RTTN: variants seen among roughly 807,000 people sequenced by gnomAD.
RTTN encodes the protein rotatin.
In RTTN, 182 loss-of-function variants were observed where a neutral mutation model predicts 269.2. That is an observed-to-expected ratio of 0.68 (90% CI 0.60 to 0.76). RTTN has a LOEUF of 0.76. Ranked by LOEUF, RTTN falls within the 30% of genes least tolerant of loss-of-function variation. The pLI is 0.00. For synonymous variants in RTTN, 1,006 were observed against 963.5 expected (o/e 1.04, Z -0.82); for missense variants, 2,545 against 2,608.6 (o/e 0.98, Z 0.53).
chr18:70,186,752 T>C (rs1189911149), intron 10 of RTTN, among the ~76,000 whole-genome samples: 1 of 152,160 alleles, frequency 6.6e-6, no homozygotes, highest in Non-Finnish European at 1.5e-5. Flanking sequence ...CATTATCCTA[T>C]GCAAACTAAT....
At chr18:70,142,676 T>G (rs1193925896) in intron 18 of RTTN, among the ~76,000 whole-genome samples, 1 of 152,156 alleles carries the variant, frequency 6.6e-6, no homozygotes, top group Non-Finnish European at 1.5e-5. Flanking sequence ...ATCTGCTATT[T>G]TTTGACTTTT....
In RTTN at chr18:70,048,147, C is replaced by A. The variant is rs368735065; in HGVS notation, c.5365G>T (p.Ala1789Ser). The change falls in exon 40 of 49, where the codon GCC (alanine) becomes TCC (serine). Residue 1789 changes from alanine to serine, a missense_variant. Ala to Ser is a moderately conservative substitution (Grantham distance 99). Transcript: ENST00000640769. ...TCAGLSATCP[A>S]LYTASLQFLS... ...AATTGCAAGCTGGCAGTATACAGGG[C>A]AGGACACGTGGCAGACAAGCCTGCA... 6.2e-7 allele frequency: 1 copy of A among 1,614,052 alleles called. No individual in the cohort carries two copies. Among genetic ancestry groups the A allele is most frequent in the Non-Finnish European group, 8.5e-7 (1 of 1,179,962 alleles).
intron 46 of RTTN, 69 bp from the exon 47 acceptor site, chr18:70,006,553 G>A: frequency 5.3e-6 from 6 of 1,142,744 alleles, no homozygotes; most frequent in Non-Finnish European, 7.9e-6. Context: ...TCTTGGACTA[G>A]TCAGACACCC....
intron 14 of RTTN, among the ~76,000 whole-genome samples, chr18:70,151,707 C>T (rs143648517): frequency 3.6e-4 from 55 of 152,316 alleles, no homozygotes; most frequent in African/African-American, 1.3e-3. Context: ...CCTTAAGATA[C>T]TTATCTACCA....
At chr18:70,156,242 T>C (rs1390272956) in intron 14 of RTTN, among the ~76,000 whole-genome samples, 1 of 152,180 alleles carries the variant, frequency 6.6e-6, no homozygotes, top group Non-Finnish European at 1.5e-5. Context: ...AGAAAGAGAA[T>C]GTGCCCTTGA....
At chr18:70,186,073 TCC>T (rs376667723) in intron 10 of RTTN, among the ~76,000 whole-genome samples, 10 of 109,410 alleles carry the variant, frequency 9.1e-5, no homozygotes, top group Non-Finnish European at 1.5e-4. Context: ...GAATGCCCTC[TCC>T]CCCCCAAAAA....
At position 70,130,399 on chromosome 18, in the gene RTTN, T is replaced by C. The variant is rs1449319884; in HGVS notation, c.2955-1853A>G. The C allele has an allele frequency of 3.9e-5, 6 of 152,150 alleles. No homozygotes were observed. In the East Asian group the frequency reaches 1.2e-3, roughly 29 times the overall value. The allele number at this position is 152,150 out of a possible 1,614,324, so 9.4% of individuals were successfully genotyped here. A position where few individuals can be genotyped will look rare whatever the true frequency, so the allele number is the denominator to read the frequency against. The stretch of plus-strand genomic sequence containing the variant: ...ACCTAAGTGTCCATCAATAGATGAA[T>C]GGATTTTTTAAAATGTGGTATAAAT... On this transcript the variant is annotated intron_variant, in intron 23 of 48. Coordinates refer to ENST00000640769, the MANE Select transcript of RTTN (RefSeq NM_173630.4).
chr18:70,006,284 G>GT (rs1291492278), intron 47 of RTTN, 97 bp downstream of exon 47: 9 of 785,580 alleles, frequency 1.1e-5, no homozygotes, highest in African/African-American at 8.7e-5. Context: ...TTCTTTTGCT[G>GT]TAACTCTTGA....
chr18:70,113,656 A>G (rs2059531311), intron 27 of RTTN, among the ~76,000 whole-genome samples: 1 of 152,178 alleles, frequency 6.6e-6, no homozygotes, highest in East Asian at 1.9e-4. Flanking sequence ...ATGTCCACCA[A>G]TGAATGAATG....
intron 10 of RTTN, among the ~76,000 whole-genome samples, chr18:70,184,740 G>GTC: frequency 8.6e-6 from 1 of 116,180 alleles, no homozygotes; most frequent in Non-Finnish European, 1.8e-5. Flanking sequence ...GTGTGTGTGT[G>GTC]TGTGTGTGTG....
intron 48 of RTTN, 97 bp from the exon 49 acceptor site, chr18:70,004,333 T>A (rs1292674429): frequency 1.8e-5 from 12 of 676,700 alleles, no homozygotes; most frequent in Non-Finnish European, 3.0e-5. Context: ...TGAACAGGAT[T>A]TATATATAAT....
chr18:70,070,042 T>A (rs1418194104), intron 34 of RTTN, among the ~76,000 whole-genome samples: 1 of 152,230 alleles, frequency 6.6e-6, no homozygotes, highest in Admixed American at 6.5e-5. Context: ...ACTAATAGAT[T>A]CATAATTCAA....
chr18:70,052,402 T>A (rs1240361954), intron 38 of RTTN, among the ~76,000 whole-genome samples: 2 of 152,132 alleles, frequency 1.3e-5, no homozygotes, highest in African/African-American at 2.4e-5. Flanking sequence ...CTCATTGCCA[T>A]CCCCACAAGA....
chr18:70,199,496 T>G lies in RTTN; in HGVS notation c.496A>C (p.Thr166Pro), dbSNP rs2061896721. ...GTAGAAAACTTCAAGCACTTCACAG[T>G]CTGATTTACTGTCAGTGAAAGAGCA... The part of the protein sequence containing the change: ...EVPPRPVVNQ[T>P]VKCLKFSTFP... Residue 166 changes from threonine (T) to proline (P), a missense_variant, in exon 5 of 49, where the codon ACT becomes CCT. Transcript: ENST00000640769. 6.2e-7 allele frequency: 1 copy of G among 1,608,614 alleles called. No individual in the cohort carries two copies. The highest frequency in any genetic ancestry group is 1.3e-5 in the African/African-American group (1 of 74,802).
At chr18:70,193,820 G>A (rs2061739351) in intron 7 of RTTN, among the ~76,000 whole-genome samples, 1 of 152,160 alleles carries the variant, frequency 6.6e-6, no homozygotes, top group South Asian at 2.1e-4. Flanking sequence ...AAATATAAAA[G>A]CTAAAGCCAT....
At chr18:70,042,501 G>A (rs1453216899) in intron 40 of RTTN, among the ~76,000 whole-genome samples, 7 of 146,010 alleles carry the variant, frequency 4.8e-5, no homozygotes, top group East Asian at 2.1e-4. Flanking sequence ...TCAGCCTCCC[G>A]AGTAGCTGGG....
At chr18:70,112,247 C>T (rs1184527413) in intron 27 of RTTN, among the ~76,000 whole-genome samples, 3 of 152,126 alleles carry the variant, frequency 2.0e-5, no homozygotes, top group Non-Finnish European at 2.9e-5. Context: ...ACTGCATCAA[C>T]TAATGGGCAA....
chr18:70,010,882 A>G (rs1010241805), intron 46 of RTTN, among the ~76,000 whole-genome samples: 2 of 152,158 alleles, frequency 1.3e-5, no homozygotes, highest in African/African-American at 4.8e-5. Flanking sequence ...TCAAATAGAC[A>G]CAATAAAAAA....
intron 9 of RTTN, among the ~76,000 whole-genome samples, 193 bp downstream of exon 9, chr18:70,190,345 T>A (rs1191362753): frequency 2.0e-5 from 3 of 152,008 alleles, no homozygotes; most frequent in Non-Finnish European, 4.4e-5. Context: ...GCAAGCTGAA[T>A]AGCCCTCCAA....
Sources: gnomAD v4.1 joint callset for allele counts (sites outside exome capture counted in the v4.1 genomes callset) on GRCh38, gnomAD v4.1.1 for gene constraint, MANE v1.5 for transcripts, NCBI Gene and HGNC (gene_info 2026-07-23, HGNC 2026-07-21) for gene names.